Variants in DLL1 observed in about 807,000 individuals in gnomAD.
DLL1 encodes delta-like protein 1.
A neutral mutation model predicts 75.1 loss-of-function variants in DLL1; 9 were observed. That is an observed-to-expected ratio of 0.12 (90% confidence interval 0.07 to 0.21). DLL1 has a LOEUF of 0.21. Among genes scored for constraint, DLL1 ranks in the 10% least tolerant of loss-of-function variants. The pLI, the probability that DLL1 is intolerant of heterozygous loss-of-function variation, is 1.00. For missense variants in DLL1, 837 were observed against 1,007.6 expected (o/e 0.83, Z 2.29); for synonymous variants, 477 against 418.3 (o/e 1.14, Z -1.71).
At position 170,288,489 on chromosome 6, in the gene DLL1, T is replaced by C. The variant is rs201891853; in HGVS notation, c.420A>G (p.Pro140=). Residue 140 remains proline, a synonymous_variant, in exon 4 of 11, where the codon CCA becomes CCG. Transcript: ENST00000366756. ...TGGCCAGGCGGCTGATGAGTCTTTC[T>C]GGGTTTTCTACGGGGAGAAGATGCT... ...DSPDDLATEN[P]ERLISRLATQ... is the part of the protein sequence containing the mutation. 3.6e-4 allele frequency: 581 copies of C among 1,614,134 alleles called. 4 individuals carry two copies. The highest frequency in any genetic ancestry group is 8.5e-6 in the Non-Finnish European group (10 of 1,180,040).
At chr6:170,289,868 G>A in intron 1 of DLL1, 60 bp from the exon 2 acceptor site, 1 of 1,508,874 alleles carries the variant, frequency 6.6e-7, no homozygotes, top group East Asian at 2.5e-5. Flanking sequence ...GGGGGCGTGA[G>A]GCCTGGGTGG....
In DLL1 at chr6:170,290,609, G is replaced by A. The variant is rs562652166; in HGVS notation, c.-470C>T. 8.2e-6 allele frequency: 2 copies of A among 244,118 alleles called. No homozygotes were observed. The highest frequency in any genetic ancestry group is 6.0e-5 in the Admixed American group (1 of 16,596). 15.1% of individuals were successfully genotyped at this position (244,118 alleles called of 1,614,324 possible). The stretch of plus-strand genomic sequence containing the variant: ...GAAAGCCGCGGTCTGGAAATCCCAC[G>A]GGCAAGGCGATAATCCGGGGCCAGC... On this transcript the variant is annotated 5_prime_UTR_variant, in exon 1 of 11. Coordinates refer to ENST00000366756, the MANE Select transcript of DLL1 (RefSeq NM_005618.4). The surrounding 1 kb of genome is among the most constrained non-coding windows in gnomAD (Gnocchi z 4.7).
Position 170,290,213 on chromosome 6 carries a change from T to G in DLL1, c.-74A>C. 6.5e-7 allele frequency: 1 copy of G among 1,549,068 alleles called. No homozygotes were observed. Among genetic ancestry groups the G allele is most frequent in the Non-Finnish European group, 8.7e-7 (1 of 1,147,830 alleles). ...AGAACAGCGGCGGACGCGCGGGGGA[T>G]CGATGGGCCACGGGGAGCGTGGGCA... On this transcript the variant is annotated 5_prime_UTR_variant, in exon 1 of 11. Transcript: ENST00000366756. This position sits in a 1 kb window ranked among gnomAD's most constrained non-coding sequence, Gnocchi z 4.7.
In DLL1 at chr6:170,290,360, C is replaced by T. The variant is rs1583158571; in HGVS notation, c.-221G>A. The T allele has an allele frequency of 2.3e-6, 1 of 439,496 alleles. No homozygotes were observed. The highest frequency in any genetic ancestry group is 4.4e-5 in the Admixed American group (1 of 22,826). 27.2% of individuals were successfully genotyped at this position (439,496 alleles called of 1,614,324 possible). A position where few individuals can be genotyped will look rare whatever the true frequency, so the allele number is the denominator to read the frequency against. On this transcript the variant is annotated 5_prime_UTR_variant, in exon 1 of 11. Coordinates refer to ENST00000366756, the MANE Select transcript of DLL1 (RefSeq NM_005618.4). This position sits in a 1 kb window ranked among gnomAD's most constrained non-coding sequence, Gnocchi z 4.7. ...CCGCCCTGCGAGGTCCCGCGGCAGCCCCAGGGATGCCCGAGGAAAGGCAGC... is the reference window on the plus strand; with the variant it reads ...CCGCCCTGCGAGGTCCCGCGGCAGCTCCAGGGATGCCCGAGGAAAGGCAGC...
intron 4 of DLL1, 80 bp downstream of exon 4, chr6:170,288,159 C>G (rs530938745): frequency 2.5e-6 from 4 of 1,602,028 alleles, no homozygotes; most frequent in Admixed American, 3.4e-5. Context: ...CCAAGCCCCC[C>G]GTGGCTCAGG....
At position 170,284,934 on chromosome 6, in the gene DLL1, A is replaced by C; in HGVS notation, c.1234T>G (p.Ser412Ala). 1 of 1,613,974 alleles carries C rather than the reference A, an allele frequency of 6.2e-7. No individual in the cohort carries two copies. Among genetic ancestry groups the C allele is most frequent in the Non-Finnish European group, 8.5e-7 (1 of 1,180,030 alleles). ...GCCCCCTTACCATTAGAACAGGGTG[A>C]AGAGCTGCAGTAGTCAATTTTCTTC... ...CEKKIDYCSS[S>A]PCSNGAKCVD... Residue 412 changes from serine (S) to alanine (A), a missense_variant, in exon 8 of 11, where the codon TCA becomes GCA. Physicochemically the swap from Ser to Ala is moderately conservative, Grantham distance 99 (BLOSUM62 1). Around this residue, in one of 2 missense-constraint regions of DLL1, gnomAD observed 533 missense variants for 545.7 expected, o/e 0.98. Coordinates refer to ENST00000366756, the MANE Select transcript of DLL1 (RefSeq NM_005618.4).
rs373713717 is a variant in DLL1 at position 170,285,438 on chromosome 6, G to T, written c.863-15C>A. 6.2e-7 allele frequency: 1 copy of T among 1,614,208 alleles called. No individual in the cohort carries two copies. The highest frequency in any genetic ancestry group is 8.5e-7 in the Non-Finnish European group (1 of 1,180,042). On this transcript the variant is annotated splice_polypyrimidine_tract_variant and intron_variant, in intron 6 of 10. Transcript: ENST00000366756. ...GTAGTTCAGGTCTGTGAAGGGTGGGGACAGGAAAAGTAGGAGATAGGAAGC... is the reference window on the plus strand; with the variant it reads ...GTAGTTCAGGTCTGTGAAGGGTGGGTACAGGAAAAGTAGGAGATAGGAAGC...
intron 4 of DLL1, 105 bp downstream of exon 4, chr6:170,288,134 A>C: frequency 6.4e-7 from 1 of 1,551,376 alleles, no homozygotes; most frequent in Non-Finnish European, 8.8e-7. Context: ...TCCCCACCAG[A>C]ACATCTCTAC....
Position 170,289,497 on chromosome 6 carries a change from AG to A in DLL1, c.351+14del, listed in dbSNP as rs1204143712. ...GCTTCAGGGCCGGCCCGGCGCGCGC[AG>A]GTGCGGCACTCACCGGCCAGGTGAA... On this transcript the variant is annotated intron_variant, in intron 2 of 10. Coordinates refer to ENST00000366756, the MANE Select transcript of DLL1 (RefSeq NM_005618.4). 85 of 1,528,862 alleles carry A rather than the reference AG, an allele frequency of 5.6e-5. No individual in the cohort carries two copies. Among genetic ancestry groups the A allele is most frequent in the Non-Finnish European group, 6.7e-5 (77 of 1,143,802 alleles). 94.7% of individuals were successfully genotyped at this position (1,528,862 alleles called of 1,614,324 possible). A position where few individuals can be genotyped will look rare whatever the true frequency, so the allele number is the denominator to read the frequency against.
intron 5 of DLL1, 130 bp from the exon 6 acceptor site, chr6:170,285,829 G>C: frequency 7.3e-7 from 1 of 1,361,118 alleles, no homozygotes; most frequent in Non-Finnish European, 1.0e-6. Context: ...AGAACACTGG[G>C]TCACCTTGGG....
At chr6:170,282,924 C>A in intron 10 of DLL1, 45 bp from the exon 11 acceptor site, 1 of 1,614,228 alleles carries the variant, frequency 6.2e-7, no homozygotes, top group Non-Finnish European at 8.5e-7. Context: ...GAGACCGATT[C>A]CCGTGCTCCA....
At position 170,283,320 on chromosome 6, in the gene DLL1, G is replaced by A. The variant is rs370263138; in HGVS notation, c.1959C>T (p.Ala653=). The change falls in exon 9 of 11, where the codon GCC becomes GCT. Residue 653 remains alanine, a synonymous_variant. Transcript: ENST00000366756. ...CACGCTTGCTGTGCGCGTCCCTGAC[G>A]GCGGTGTCGTCACCCTTGAGGTCCT... ...LVQDLKGDDT[A]VRDAHSKRDT... 72 of 1,613,130 alleles carry A rather than the reference G, an allele frequency of 4.5e-5. 1 individual carries two copies. Among genetic ancestry groups the A allele is most frequent in the African/African-American group, 2.5e-4 (19 of 75,058 alleles).
rs527252448 is a variant in DLL1 at position 170,290,211 on chromosome 6, G to T, written c.-72C>A. 36 of 1,551,354 alleles carry T rather than the reference G, an allele frequency of 2.3e-5. No individual in the cohort carries two copies. The Admixed American group carries it at 4.9e-4, about 21-fold the overall frequency. On this transcript the variant is annotated 5_prime_UTR_variant, in exon 1 of 11. Transcript: ENST00000366756. This position sits in a 1 kb window ranked among gnomAD's most constrained non-coding sequence, Gnocchi z 4.7. ...TTAGAACAGCGGCGGACGCGCGGGG[G>T]ATCGATGGGCCACGGGGAGCGTGGG...
At chr6:170,286,325 A>C in intron 4 of DLL1, 27 bp from the exon 5 acceptor site, 1 of 1,614,144 alleles carries the variant, frequency 6.2e-7, no homozygotes, top group Non-Finnish European at 8.5e-7. Flanking sequence ...AACAGGGTCA[A>C]GCCCCACGCC....
chr6:170,288,687 T>C lies in DLL1; in HGVS notation c.412+42A>G, dbSNP rs775171095. 3.7e-6 allele frequency: 6 copies of C among 1,613,240 alleles called. 1 individual carries two copies. In the Admixed American group the frequency reaches 8.3e-5, roughly 22 times the overall value. On this transcript the variant is annotated intron_variant, in intron 3 of 10. Transcript: ENST00000366756. ...ATGGGTGGGCAAAGTCCAATGCTAT[T>C]AACTGGGGAAAGCAGTTTTGGGGTT... is the stretch of plus-strand genomic sequence containing the variant.
Position 170,284,104 on chromosome 6 carries a change from T to C in DLL1, c.1250-75A>G. On this transcript the variant is annotated intron_variant, in intron 8 of 10. Coordinates refer to ENST00000366756, the MANE Select transcript of DLL1 (RefSeq NM_005618.4). ...CCAAAAAGTCACTCTGAAGCATCTA[T>C]CTGTCTGACACTGTAGAAACCAGAC... 2.6e-6 allele frequency: 4 copies of C among 1,517,240 alleles called. No homozygotes were observed. In the East Asian group the frequency reaches 7.3e-5, roughly 28 times the overall value. 94.0% of individuals were successfully genotyped at this position (1,517,240 alleles called of 1,614,324 possible).
intron 4 of DLL1, among the ~76,000 whole-genome samples, chr6:170,286,775 C>T (rs1215261675): frequency 6.6e-6 from 1 of 151,442 alleles, no homozygotes; most frequent in Admixed American, 6.6e-5. Flanking sequence ...CCCCCGGCCC[C>T]ACCTCCTCAC....
rs765702150 is a variant in DLL1 at position 170,283,069 on chromosome 6, G to A, written c.2085C>T (p.Gly695=). 5.6e-5 allele frequency: 91 copies of A among 1,614,004 alleles called. No individual in the cohort carries two copies. The South Asian group carries it at 1.0e-3, about 18-fold the overall frequency. Reference sequence around the variant, plus strand: ...ACTTGGTGTCTTTTGAAGTTGAACAGCCCGAGTCCGGCCTTTTTCTTTCAG... The same window carrying A: ...ACTTGGTGTCTTTTGAAGTTGAACAACCCGAGTCCGGCCTTTTTCTTTCAG... The part of the protein sequence containing the change: ...EASERKRPDS[G]CSTSKDTKYQ... Residue 695 remains glycine (G), a synonymous_variant, in exon 10 of 11, where the codon GGC becomes GGT. Transcript: ENST00000366756.
In DLL1 at chr6:170,282,492, G is replaced by T. The variant is rs570953312; in HGVS notation, c.*382C>A. The stretch of plus-strand genomic sequence containing the variant: ...TTCCATCTAGAAAAAGCACATCTTC[G>T]TATCAAAAAGGACAATAAAGGCAGT... On this transcript the variant is annotated 3_prime_UTR_variant, in exon 11 of 11. Coordinates refer to ENST00000366756, the MANE Select transcript of DLL1 (RefSeq NM_005618.4). The T allele has an allele frequency of 9.7e-6, 3 of 310,598 alleles. No individual in the cohort carries two copies. The highest frequency in any genetic ancestry group is 1.4e-4 in the South Asian group (2 of 14,348). 19.2% of individuals were successfully genotyped at this position (310,598 alleles called of 1,614,324 possible).
Sources: allele counts gnomAD v4.1 joint callset (sites outside exome capture counted in the v4.1 genomes callset), GRCh38; gene constraint gnomAD v4.1.1; regional missense constraint gnomAD v4.1.1; non-coding constraint Gnocchi (gnomAD v3.1); transcripts MANE v1.5; gene names NCBI Gene and HGNC (gene_info 2026-07-23, HGNC 2026-07-21).